The following ARHGAP15 variants were observed in gnomAD, a reference collection of about 807,000 sequenced individuals.
ARHGAP15 encodes the protein rho GTPase-activating protein 15.
Under a neutral mutation model 63.7 loss-of-function variants are expected in ARHGAP15, and 51 were observed. The ratio of observed to expected loss-of-function variants is 0.80; its 90% CI spans 0.64 to 1.01. The LOEUF (loss-of-function observed/expected upper bound fraction) is 1.01, where lower values mean the gene tolerates loss of function less well. Ranked by LOEUF, ARHGAP15 falls within the 50% of genes least tolerant of loss-of-function variation. The pLI, the probability that ARHGAP15 is intolerant of heterozygous loss-of-function variation, is 0.00. For missense variants in ARHGAP15, 560 were observed against 564.6 expected (o/e 0.99, Z 0.08); for synonymous variants, 191 against 193.8 (o/e 0.99, Z 0.12).
intron 1 of ARHGAP15, among the ~76,000 whole-genome samples, chr2:143,137,247 G>A (rs1407562116): frequency 6.6e-6 from 1 of 152,032 alleles, no homozygotes; most frequent in Admixed American, 6.6e-5. Context: ...GTCCATGGGA[G>A]TATTGACCTC....
intron 13 of ARHGAP15, among the ~76,000 whole-genome samples, chr2:143,765,478 T>TC (rs1367821814): frequency 6.6e-6 from 1 of 152,120 alleles, no homozygotes; most frequent in African/African-American, 2.4e-5. Context: ...AATATGAGGA[T>TC]CCCTTCCAGA....
intron 12 of ARHGAP15, among the ~76,000 whole-genome samples, chr2:143,679,128 T>G (rs1682970164): frequency 1.2e-5 from 1 of 84,080 alleles, no homozygotes; most frequent in Admixed American, 1.8e-4. Flanking sequence ...TATGCACCAG[T>G]ATCCACAAAG....
At chr2:143,737,992 A>C (rs1480215597) in intron 13 of ARHGAP15, among the ~76,000 whole-genome samples, 2 of 152,146 alleles carry the variant, frequency 1.3e-5, no homozygotes, top group African/African-American at 2.4e-5. Context: ...TCCTGACCTC[A>C]GGTGATCTGC....
intron 13 of ARHGAP15, among the ~76,000 whole-genome samples, chr2:143,742,486 A>G (rs1267353178): frequency 2.0e-5 from 3 of 152,234 alleles, no homozygotes; most frequent in African/African-American, 7.2e-5. Context: ...TGGAAAACCA[A>G]CAAAAGGAAA....
chr2:143,679,657 GT>G (rs879885695), intron 12 of ARHGAP15, among the ~76,000 whole-genome samples: 1,885 of 12,410 alleles, frequency 0.15, 20 homozygotes, highest in Non-Finnish European at 0.48. Flanking sequence ...GTGTGTGCGT[GT>G]GTGTGTGTGT....
At chr2:143,448,567 G>A (rs1346431599) in intron 8 of ARHGAP15, among the ~76,000 whole-genome samples, 2 of 152,040 alleles carry the variant, frequency 1.3e-5, no homozygotes, top group Non-Finnish European at 2.9e-5. Flanking sequence ...AGAGATATCT[G>A]ACTTGATATT....
At chr2:143,362,533 G>A (rs556686011) in intron 6 of ARHGAP15, among the ~76,000 whole-genome samples, 14 of 152,064 alleles carry the variant, frequency 9.2e-5, no homozygotes, top group Non-Finnish European at 1.6e-4. Context: ...TTTTATTCGG[G>A]ATGAAAATCT....
At chr2:143,622,090 A>C (rs1199334393) in intron 11 of ARHGAP15, among the ~76,000 whole-genome samples, 1 of 152,048 alleles carries the variant, frequency 6.6e-6, no homozygotes, top group Non-Finnish European at 1.5e-5. Context: ...ACATTTTCTA[A>C]ATGTGTTTTA....
chr2:143,129,607 T>C (rs1482130466), intron 1 of ARHGAP15, 141 bp downstream of exon 1: 2 of 152,204 alleles, frequency 1.3e-5, no homozygotes, highest in African/African-American at 4.8e-5. Flanking sequence ...CTGGTTTCCT[T>C]TGATGTAGAA....
intron 8 of ARHGAP15, among the ~76,000 whole-genome samples, chr2:143,478,177 T>C (rs114515370): frequency 1.8e-4 from 28 of 152,294 alleles, no homozygotes; most frequent in Non-Finnish European, 2.6e-4. Context: ...CAGAACTCAA[T>C]TCATGTCCAT....
chr2:143,157,536 A>G (rs1447597959), intron 2 of ARHGAP15, among the ~76,000 whole-genome samples: 1 of 151,824 alleles, frequency 6.6e-6, no homozygotes, highest in Non-Finnish European at 1.5e-5. Context: ...CCTGGGCAAT[A>G]TGTATTCCTC....
intron 6 of ARHGAP15, chr2:143,344,016 T>G (rs1685167729): frequency 6.6e-6 from 1 of 152,094 alleles, no homozygotes; most frequent in Non-Finnish European, 1.5e-5. Flanking sequence ...ATATCAGCAC[T>G]CCCCACCACA....
chr2:143,515,852 C>T (rs964306629), intron 9 of ARHGAP15, among the ~76,000 whole-genome samples: 1 of 152,204 alleles, frequency 6.6e-6, no homozygotes, highest in Admixed American at 6.5e-5. Flanking sequence ...ATAACATAAC[C>T]TCCATCTCTT....
At chr2:143,540,662 C>T (rs1695005992) in intron 10 of ARHGAP15, among the ~76,000 whole-genome samples, 1 of 152,148 alleles carries the variant, frequency 6.6e-6, no homozygotes, top group Non-Finnish European at 1.5e-5. Flanking sequence ...ATATGAAATT[C>T]TGGGTTGAAA....
At chr2:143,519,553 C>T in intron 10 of ARHGAP15, 189 bp downstream of exon 10, 1 of 444,372 alleles carries the variant, frequency 2.3e-6, no homozygotes, top group Non-Finnish European at 4.2e-6. Flanking sequence ...ATTAGTAATT[C>T]TCACTAATGT....
At chr2:143,168,592 T>G (rs1690641904) in intron 2 of ARHGAP15, among the ~76,000 whole-genome samples, 1 of 152,112 alleles carries the variant, frequency 6.6e-6, no homozygotes, top group Admixed American at 6.6e-5. Context: ...TCTCTTGTCA[T>G]CAAGTTTTAA....
At chr2:143,709,016 C>G (rs1684455682) in intron 13 of ARHGAP15, among the ~76,000 whole-genome samples, 1 of 152,132 alleles carries the variant, frequency 6.6e-6, no homozygotes, top group Admixed American at 6.5e-5. Context: ...AACTACTTAT[C>G]CACCTAGGCC....
chr2:143,542,803 AGT>A (rs1491129977), intron 10 of ARHGAP15, among the ~76,000 whole-genome samples: 53 of 110,026 alleles, frequency 4.8e-4, no homozygotes, highest in African/African-American at 1.7e-3. Flanking sequence ...TCACATATAT[AGT>A]ATATATATGA....
chr2:143,610,719 G>GTATTTATT (rs10568746), intron 11 of ARHGAP15, among the ~76,000 whole-genome samples: 93 of 150,758 alleles, frequency 6.2e-4, no homozygotes, highest in Non-Finnish European at 8.4e-4. Flanking sequence ...CTTGTTCAGT[G>GTATTTATT]TATTTATTTA....
Sources: gnomAD v4.1 joint callset for allele counts (sites outside exome capture counted in the v4.1 genomes callset) on GRCh38, gnomAD v4.1.1 for gene constraint, MANE v1.5 for transcripts, NCBI Gene and HGNC (gene_info 2026-07-23, HGNC 2026-07-21) for gene names.